The following ASTN1 variants were observed in gnomAD, a reference collection of about 807,000 sequenced individuals.
The protein encoded by ASTN1 is astrotactin-1.
ASTN1 carries 41 observed loss-of-function variants against 140.7 expected under a neutral mutation model. The observed-to-expected ratio is 0.29, with a 90% confidence interval of 0.23 to 0.38. The LOEUF (loss-of-function observed/expected upper bound fraction) is 0.38. ASTN1 is among the 10% of genes least tolerant of loss of function. The pLI is 1.00. For missense variants in ASTN1, 1,479 were observed against 1,678.8 expected, an observed-to-expected ratio of 0.88 and a Z score of 2.08; for synonymous variants, 640 against 652.2, an observed-to-expected ratio of 0.98 and a Z score of 0.29.
chr1:177,024,459 T>G, intron 6 of ASTN1, 124 bp downstream of exon 6: 1 of 1,236,388 alleles, frequency 8.1e-7, no homozygotes, highest in South Asian at 1.6e-5. Flanking sequence ...CTTACTTATT[T>G]CAGTTTGGTT....
rs924088708 is a variant in ASTN1, at chr1:176,894,588, G to A, written c.2914C>T (p.Leu972=). The A allele has an allele frequency of 6.2e-7, 1 of 1,614,072 alleles. No individual in the cohort carries two copies. The highest frequency in any genetic ancestry group is 8.5e-7 in the Non-Finnish European group (1 of 1,180,028). ...CTCTGGGTCTGGTTGTTGGTCACTA[G>A]TTCATAGATGGGGGCTGCTTTGGTC... is the stretch of plus-strand genomic sequence containing the variant. ...EVTKAAPIYE[L]VTNNQTQRLL... The change falls in exon 17 of 23, where the codon CTA becomes TTA. Residue 972 remains leucine, a synonymous_variant. Transcript: ENST00000361833.
intron 2 of ASTN1, among the ~76,000 whole-genome samples, chr1:177,035,693 T>C (rs900660206): frequency 2.6e-5 from 4 of 152,194 alleles, no homozygotes. Flanking sequence ...TGCATATCTA[T>C]CTCTAGGTTC....
intron 8 of ASTN1, among the ~76,000 whole-genome samples, chr1:177,007,779 C>T (rs1675070231): frequency 6.6e-6 from 1 of 152,166 alleles, no homozygotes; most frequent in Non-Finnish European, 1.5e-5. Flanking sequence ...GAGCAAAGGG[C>T]ATCATTCAAA....
At chr1:177,036,509 GCTTA>G (rs1298016024) in intron 2 of ASTN1, among the ~76,000 whole-genome samples, 1 of 152,092 alleles carries the variant, frequency 6.6e-6, no homozygotes, top group African/African-American at 2.4e-5. Context: ...CTTTGCAATG[GCTTA>G]CTAATTGTGG....
At chr1:176,970,821 G>C (rs1673114042) in intron 8 of ASTN1, among the ~76,000 whole-genome samples, 1 of 151,808 alleles carries the variant, frequency 6.6e-6, no homozygotes, top group Non-Finnish European at 1.5e-5. Context: ...GTGATGAGTA[G>C]GGCATTTCAT....
At chr1:176,901,943 G>T (rs890644508) in intron 16 of ASTN1, among the ~76,000 whole-genome samples, 2 of 152,120 alleles carry the variant, frequency 1.3e-5, no homozygotes, top group Non-Finnish European at 2.9e-5. Context: ...CCAAAATTAA[G>T]GTTACTATAT....
chr1:177,142,915 G>C (rs1409417556), intron 1 of ASTN1, among the ~76,000 whole-genome samples: 1 of 150,646 alleles, frequency 6.6e-6, no homozygotes, highest in East Asian at 1.9e-4. Flanking sequence ...GGGGGGAGGG[G>C]TGCTGAGTTT....
chr1:176,957,957 T>A (rs12076044), intron 10 of ASTN1, 129 bp from the exon 11 acceptor site: 45,005 of 1,189,134 alleles, frequency 0.038, 1,057 homozygotes, highest in African/African-American at 0.077. Context: ...AAATTGAAGA[T>A]CAACTATACT....
chr1:177,104,534 T>C (rs1482810686), intron 1 of ASTN1, among the ~76,000 whole-genome samples: 1 of 152,326 alleles, frequency 6.6e-6, no homozygotes, highest in East Asian at 1.9e-4. Context: ...GAGTAGTGTA[T>C]AATATCCATT....
intron 1 of ASTN1, among the ~76,000 whole-genome samples, chr1:177,070,299 C>T (rs911844937): frequency 6.6e-6 from 1 of 152,154 alleles, no homozygotes; most frequent in South Asian, 2.1e-4. Flanking sequence ...CTGTTCATTC[C>T]AAATCCTCTG....
chr1:177,133,629 T>C lies in ASTN1; in HGVS notation c.283+30765A>G, dbSNP rs78237113. Among the ~76,000 whole-genome samples, 306 of 152,338 alleles carry C rather than the reference T, an allele frequency of 2.0e-3. 2 individuals are homozygous for C. The highest frequency in any genetic ancestry group is 7.1e-3 in the African/African-American group (295 of 41,572). Reference sequence around the variant, plus strand: ...TCAGAGCAAAGGCCATTATTTTACCTATAGTCCTGCTAATGTAAAGACCTT... The same window carrying C: ...TCAGAGCAAAGGCCATTATTTTACCCATAGTCCTGCTAATGTAAAGACCTT... On this transcript the variant is annotated intron_variant, in intron 1 of 22. Transcript: ENST00000361833.
chr1:176,932,294 C>T (rs1393971210), intron 16 of ASTN1, among the ~76,000 whole-genome samples: 1 of 152,188 alleles, frequency 6.6e-6, no homozygotes, highest in Non-Finnish European at 1.5e-5. Flanking sequence ...GCACACTTGT[C>T]ATTCCTAGGG....
At chr1:176,955,145 G>A (rs1173917092) in intron 11 of ASTN1, among the ~76,000 whole-genome samples, 1 of 152,078 alleles carries the variant, frequency 6.6e-6, no homozygotes, top group East Asian at 1.9e-4. Context: ...GGCCTTTCTT[G>A]GGAAGCCTTT....
rs1672081023 is a variant in ASTN1, at chr1:176,949,189, A to G, written c.2050T>C (p.Cys684Arg). 1 of 1,613,734 alleles carries G rather than the reference A, an allele frequency of 6.2e-7. No homozygotes were observed. Among genetic ancestry groups the G allele is most frequent in the Non-Finnish European group, 8.5e-7 (1 of 1,179,980 alleles). ...DPTLYNILMF[C>R]GCIEDYKLGV... is the part of the protein sequence containing the mutation. The stretch of plus-strand genomic sequence containing the variant: ...CTCGCTGGCAGCTCAACTCACCCAC[A>G]GAACATGAGGATGTTATACAAGGTG... Residue 684 changes from cysteine (C) to arginine (R), a missense_variant, in exon 12 of 23, where the codon TGT (cysteine) becomes CGT (arginine). Physicochemically the swap from Cys to Arg is radical, Grantham distance 180. This residue lies in a region of ASTN1 where 746 missense variants were observed against 800.9 expected (regional missense o/e 0.93). Transcript: ENST00000361833.
chr1:176,983,249 G>A lies in ASTN1; in HGVS notation c.1524-18012C>T, dbSNP rs184289798. Among the ~76,000 whole-genome samples the A allele has an allele frequency of 1.4e-4, 22 of 152,196 alleles. No individual in the cohort carries two copies. The East Asian group carries it at 3.9e-3, about 27-fold the overall frequency. On this transcript the variant is annotated intron_variant, in intron 8 of 22. Transcript: ENST00000361833. ...CTGGACAGGTTGGCAGGTTGATCTGGGCCATCTAGGGAGTCATGACAAGCC... is the reference window on the plus strand; with the variant it reads ...CTGGACAGGTTGGCAGGTTGATCTGAGCCATCTAGGGAGTCATGACAAGCC...
chr1:176,968,791 G>C (rs1379723904), intron 8 of ASTN1, among the ~76,000 whole-genome samples: 1 of 152,204 alleles, frequency 6.6e-6, no homozygotes, highest in East Asian at 1.9e-4. Context: ...GGAATCTAAG[G>C]TCTTTGTGAA....
intron 1 of ASTN1, among the ~76,000 whole-genome samples, chr1:177,087,665 G>C (rs1455093539): frequency 6.6e-6 from 1 of 152,166 alleles, no homozygotes; most frequent in Non-Finnish European, 1.5e-5. Context: ...GTCCGCAACC[G>C]TGTTTCACGC....
chr1:176,954,602 C>G (rs1293829096), intron 11 of ASTN1, among the ~76,000 whole-genome samples: 2 of 152,196 alleles, frequency 1.3e-5, no homozygotes, highest in Non-Finnish European at 2.9e-5. Flanking sequence ...TATAAGTACT[C>G]TTGAAAGACC....
chr1:176,970,587 GTAGA>G lies in ASTN1; in HGVS notation c.1524-5354_1524-5351del, dbSNP rs1319317473. 4.3e-3 allele frequency among the ~76,000 whole-genome samples: 634 copies of G among 148,730 alleles called. 1 individual carries two copies. Among genetic ancestry groups the G allele is most frequent in the South Asian group, 0.016 (77 of 4,748 alleles). On this transcript the variant is annotated intron_variant, in intron 8 of 22. Coordinates refer to ENST00000361833, the MANE Select transcript of ASTN1 (RefSeq NM_004319.3). ...GGTAGGTAGGTAGGTAGGTAGGTAG[GTAGA>G]TAGATAGATAGATAGACAGACAGAC...
Sources: gnomAD v4.1 joint callset for allele counts (sites outside exome capture counted in the v4.1 genomes callset) on GRCh38, gnomAD v4.1.1 for gene constraint, gnomAD v4.1.1 regional missense constraint, MANE v1.5 for transcripts, NCBI Gene and HGNC (gene_info 2026-07-23, HGNC 2026-07-21) for gene names.